The following FSTL5 variants were observed in gnomAD, a reference collection of about 807,000 sequenced individuals.
The protein encoded by FSTL5 is follistatin-related protein 5.
FSTL5 carries 62 observed loss-of-function variants against 89.1 expected under a neutral mutation model. That is an observed-to-expected ratio of 0.70 (90% CI 0.57 to 0.86). FSTL5 has a LOEUF of 0.86. Among genes scored for constraint, FSTL5 ranks in the 40% least tolerant of loss-of-function variants. The pLI is 0.00. For synonymous variants in FSTL5, 383 were observed against 346.2 expected (o/e 1.11, Z -1.18); for missense variants, 1,057 against 1,001.6 (o/e 1.06, Z -0.75).
intron 4 of FSTL5, among the ~76,000 whole-genome samples, chr4:161,800,110 A>G (rs757729657): frequency 1.3e-5 from 2 of 151,614 alleles, no homozygotes; most frequent in Non-Finnish European, 3.0e-5. Flanking sequence ...TTCCTTTCTC[A>G]TCTTCATCCT....
chr4:161,844,220 G>A (rs1415491372), intron 4 of FSTL5, among the ~76,000 whole-genome samples: 1 of 152,106 alleles, frequency 6.6e-6, no homozygotes, highest in East Asian at 1.9e-4. Flanking sequence ...TTAGAGAAAT[G>A]CAAATCAAAA....
chr4:161,663,913 C>T (rs1374425373), intron 6 of FSTL5, among the ~76,000 whole-genome samples: 2 of 152,206 alleles, frequency 1.3e-5, no homozygotes, highest in Non-Finnish European at 2.9e-5. Context: ...TCTGTGCACC[C>T]ACGGGCTCAA....
intron 7 of FSTL5, among the ~76,000 whole-genome samples, chr4:161,624,555 A>AT (rs139134318): frequency 0.022 from 3,371 of 151,858 alleles, 119 homozygotes; most frequent in African/African-American, 0.075. Flanking sequence ...ATAGGTGTAC[A>AT]TTTTTTAATT....
chr4:161,918,561 T>G (rs1483611658), intron 4 of FSTL5, among the ~76,000 whole-genome samples: 3 of 152,194 alleles, frequency 2.0e-5, no homozygotes, highest in African/African-American at 7.2e-5. Flanking sequence ...TATCCTGACA[T>G]TGAATGGTAT....
At chr4:162,158,197 T>G (rs985438512) in intron 1 of FSTL5, among the ~76,000 whole-genome samples, 4 of 152,058 alleles carry the variant, frequency 2.6e-5, no homozygotes, top group Non-Finnish European at 4.4e-5. Flanking sequence ...TCATCTCCAG[T>G]AGGACTTTTA....
In FSTL5 at chr4:161,860,245, G is replaced by A. The variant is rs112867869; in HGVS notation, c.409+60159C>T. On this transcript the variant is annotated intron_variant, in intron 4 of 15. Coordinates refer to ENST00000306100, the MANE Select transcript of FSTL5 (RefSeq NM_020116.5). ...GGAGCTTGCAGTGAGAGGAGATCGC[G>A]CCACTGCACTCCAGCCTAGGCGACA... Among the ~76,000 whole-genome samples the A allele has an allele frequency of 3.9e-3, 589 of 152,170 alleles. 2 individuals carry two copies. Among genetic ancestry groups the A allele is most frequent in the African/African-American group, 0.013 (552 of 41,532 alleles).
At chr4:161,876,825 A>G (rs1284116417) in intron 4 of FSTL5, among the ~76,000 whole-genome samples, 1 of 152,174 alleles carries the variant, frequency 6.6e-6, no homozygotes, top group East Asian at 1.9e-4. Flanking sequence ...ATATTACTAC[A>G]GAAAGTGCAC....
chr4:161,791,559 A>ATGGC (rs1729478586), intron 4 of FSTL5, among the ~76,000 whole-genome samples: 1 of 152,216 alleles, frequency 6.6e-6, no homozygotes, highest in Admixed American at 6.5e-5. Flanking sequence ...ACCAGTGGGC[A>ATGGC]TGGCTGTGTT....
intron 6 of FSTL5, among the ~76,000 whole-genome samples, chr4:161,707,771 A>C (rs909641613): frequency 9.9e-5 from 15 of 151,976 alleles, no homozygotes; most frequent in African/African-American, 2.7e-4. Flanking sequence ...GATACACAAT[A>C]CAGGGTATAT....
At chr4:161,551,560 G>C (rs1464225495) in intron 8 of FSTL5, among the ~76,000 whole-genome samples, 1 of 151,920 alleles carries the variant, frequency 6.6e-6, no homozygotes, top group Non-Finnish European at 1.5e-5. Flanking sequence ...AAAACTGGAG[G>C]CATCATGATA....
intron 3 of FSTL5, among the ~76,000 whole-genome samples, chr4:162,029,146 G>GGGGAGAGA: frequency 7.2e-6 from 1 of 139,294 alleles, no homozygotes; most frequent in Admixed American, 7.3e-5. Context: ...TGTACATGAG[G>GGGGAGAGA]GAGAGAGAGA....
At chr4:161,484,460 A>C (rs1383988739) in intron 12 of FSTL5, among the ~76,000 whole-genome samples, 3 of 152,190 alleles carry the variant, frequency 2.0e-5, no homozygotes, top group Non-Finnish European at 2.9e-5. Context: ...TCAAACATTC[A>C]CATTGCCCCA....
At chr4:161,432,438 C>T (rs1032067077) in intron 15 of FSTL5, among the ~76,000 whole-genome samples, 4 of 151,674 alleles carry the variant, frequency 2.6e-5, no homozygotes, top group African/African-American at 9.7e-5. Context: ...TACCTAAATC[C>T]ACAATGTGAA....
At chr4:161,568,824 A>G (rs1485431320) in intron 8 of FSTL5, among the ~76,000 whole-genome samples, 1 of 152,220 alleles carries the variant, frequency 6.6e-6, no homozygotes, top group African/African-American at 2.4e-5. Flanking sequence ...AGTAATACAA[A>G]GCACAAATAT....
At chr4:162,123,408 A>G (rs937767366) in intron 1 of FSTL5, among the ~76,000 whole-genome samples, 1 of 152,200 alleles carries the variant, frequency 6.6e-6, no homozygotes, top group African/African-American at 2.4e-5. Flanking sequence ...GAGAGATCCC[A>G]GAAAGAGAGA....
intron 3 of FSTL5, among the ~76,000 whole-genome samples, chr4:161,984,620 T>A (rs1463860196): frequency 1.3e-5 from 2 of 152,150 alleles, no homozygotes; most frequent in Non-Finnish European, 2.9e-5. Flanking sequence ...ACTCCTGGGC[T>A]CAAGCAGTCT....
chr4:161,423,469 T>C (rs1358188681), intron 15 of FSTL5, among the ~76,000 whole-genome samples: 7 of 152,222 alleles, frequency 4.6e-5, no homozygotes, highest in Non-Finnish European at 8.8e-5. Flanking sequence ...TTTTTCGTTA[T>C]GTTTTTTGAA....
intron 15 of FSTL5, among the ~76,000 whole-genome samples, chr4:161,435,888 TC>T (rs1047355773): frequency 2.0e-5 from 3 of 151,938 alleles, no homozygotes; most frequent in Non-Finnish European, 2.9e-5. Context: ...CAACTGGACT[TC>T]CCCCCAAAGA....
At chr4:161,932,796 T>C (rs989698793) in intron 3 of FSTL5, among the ~76,000 whole-genome samples, 1 of 152,054 alleles carries the variant, frequency 6.6e-6, no homozygotes, top group Non-Finnish European at 1.5e-5. Context: ...TTTAAACTCA[T>C]TACTTATCCA....
Sources: allele counts gnomAD v4.1 joint callset (sites outside exome capture counted in the v4.1 genomes callset), GRCh38; gene constraint gnomAD v4.1.1; transcripts MANE v1.5; gene names NCBI Gene and HGNC (gene_info 2026-07-23, HGNC 2026-07-21).